The following MEGF11 variants were observed in gnomAD, a reference collection of about 807,000 sequenced individuals.
MEGF11 encodes multiple EGF like domains 11, also known as multiple epidermal growth factor-like domains protein 11.
MEGF11 carries 126 observed loss-of-function variants against 146.6 expected under a neutral mutation model. The ratio of observed to expected loss-of-function variants is 0.86; its 90% CI spans 0.74 to 1.00. MEGF11 has a LOEUF of 1.00. MEGF11 is among the 50% of genes least tolerant of loss of function. The pLI is 0.00. For missense variants in MEGF11, 1,509 were observed against 1,521.2 expected (o/e 0.99, Z 0.13); for synonymous variants, 532 against 583.4 (o/e 0.91, Z 1.27).
chr15:65,999,127 C>G (rs1289018265), intron 5 of MEGF11, among the ~76,000 whole-genome samples: 1 of 151,784 alleles, frequency 6.6e-6, no homozygotes, highest in Non-Finnish European at 1.5e-5. Flanking sequence ...TCACTGTAGC[C>G]TAGGCCTCCT....
chr15:66,178,049 T>A (rs1369722273), intron 1 of MEGF11, among the ~76,000 whole-genome samples: 1 of 152,142 alleles, frequency 6.6e-6, no homozygotes, highest in Non-Finnish European at 1.5e-5. Flanking sequence ...AGTGGCACTA[T>A]CACATCTCAC....
At chr15:66,120,156 A>G (rs2087951555) in intron 3 of MEGF11, among the ~76,000 whole-genome samples, 1 of 152,198 alleles carries the variant, frequency 6.6e-6, no homozygotes, top group Non-Finnish European at 1.5e-5. Flanking sequence ...GCCCTCTACC[A>G]GGTTTCACAG....
At chr15:65,955,214 T>C (rs947133998) in intron 10 of MEGF11, among the ~76,000 whole-genome samples, 13 of 152,222 alleles carry the variant, frequency 8.5e-5, no homozygotes, top group South Asian at 8.3e-4. Context: ...CAAACAATTA[T>C]TCTCTCCTAC....
At chr15:66,102,058 A>G (rs1406475361) in intron 4 of MEGF11, among the ~76,000 whole-genome samples, 2 of 151,700 alleles carry the variant, frequency 1.3e-5, no homozygotes, top group Non-Finnish European at 2.9e-5. Context: ...GAACATTCCC[A>G]TTGGGTTTCC....
At chr15:66,135,561 G>A (rs1219579039) in intron 1 of MEGF11, among the ~76,000 whole-genome samples, 7 of 152,146 alleles carry the variant, frequency 4.6e-5, no homozygotes, top group African/African-American at 1.7e-4. Context: ...GCCTCTCCCT[G>A]CAGGAAGCCT....
At chr15:66,110,751 T>G (rs2087350959) in intron 4 of MEGF11, among the ~76,000 whole-genome samples, 1 of 152,030 alleles carries the variant, frequency 6.6e-6, no homozygotes, top group African/African-American at 2.4e-5. Context: ...CTCTTAGAGG[T>G]TTAGCAGGGA....
intron 10 of MEGF11, among the ~76,000 whole-genome samples, chr15:65,947,768 G>A (rs907551126): frequency 6.6e-6 from 1 of 152,100 alleles, no homozygotes; most frequent in East Asian, 1.9e-4. Context: ...AAGAAAACCG[G>A]GTATACTTAA....
chr15:66,031,788 G>A (rs1011421275), intron 5 of MEGF11, among the ~76,000 whole-genome samples: 7 of 152,204 alleles, frequency 4.6e-5, no homozygotes, highest in Non-Finnish European at 7.4e-5. Context: ...CCAAAAGTTC[G>A]TGTGTTGGAA....
At chr15:66,134,416 C>A (rs2088795266) in intron 1 of MEGF11, among the ~76,000 whole-genome samples, 1 of 152,192 alleles carries the variant, frequency 6.6e-6, no homozygotes, top group South Asian at 2.1e-4. Flanking sequence ...CTTTGCAAAT[C>A]AGGACACATT....
chr15:65,964,825 T>C, intron 9 of MEGF11, 83 bp downstream of exon 9: 1 of 1,306,496 alleles, frequency 7.7e-7, no homozygotes, highest in Non-Finnish European at 1.1e-6. Context: ...ATGCTAGAGG[T>C]GGGGGGCCAC....
chr15:66,133,019 C>A (rs1370451842), intron 1 of MEGF11, among the ~76,000 whole-genome samples: 1 of 152,190 alleles, frequency 6.6e-6, no homozygotes, highest in African/African-American at 2.4e-5. Flanking sequence ...ACCTCTCAAC[C>A]ATCCCAAGCC....
At chr15:66,009,241 G>GTTT (rs10540363) in intron 5 of MEGF11, among the ~76,000 whole-genome samples, 4 of 143,084 alleles carry the variant, frequency 2.8e-5, no homozygotes, top group East Asian at 2.2e-4. Flanking sequence ...GTTAACCTAA[G>GTTT]TTTTTTTTTT....
At chr15:66,230,405 G>C (rs1007613410) in intron 1 of MEGF11, among the ~76,000 whole-genome samples, 4 of 152,210 alleles carry the variant, frequency 2.6e-5, no homozygotes, top group African/African-American at 7.2e-5. Flanking sequence ...GCTCAGCCCA[G>C]CTTCTTACAA....
At chr15:65,931,073 CCTT>C in intron 10 of MEGF11, 130 bp from the exon 11 acceptor site, 1 of 1,141,180 alleles carries the variant, frequency 8.8e-7, no homozygotes, top group South Asian at 2.2e-5. Context: ...GAATATGTTA[CCTT>C]ACATGGCAAA....
At chr15:66,019,313 G>GA (rs34409594) in intron 5 of MEGF11, among the ~76,000 whole-genome samples, 1 of 152,194 alleles carries the variant, frequency 6.6e-6, no homozygotes, top group Non-Finnish European at 1.5e-5. Context: ...TTTACTTGGG[G>GA]AAAAAAACCT....
At chr15:66,074,777 CAT>C (rs1263578060) in intron 5 of MEGF11, among the ~76,000 whole-genome samples, 1 of 152,194 alleles carries the variant, frequency 6.6e-6, no homozygotes, top group Non-Finnish European at 1.5e-5. Context: ...TCATCAGTAT[CAT>C]ATGAGAGTAT....
At chr15:66,101,629 C>T (rs565881428) in intron 4 of MEGF11, among the ~76,000 whole-genome samples, 38 of 152,220 alleles carry the variant, frequency 2.5e-4, no homozygotes, top group African/African-American at 7.7e-4. Flanking sequence ...GCATGATGCC[C>T]GGCACATGGC....
intron 1 of MEGF11, among the ~76,000 whole-genome samples, chr15:66,230,141 C>A (rs979122130): frequency 7.9e-5 from 12 of 152,158 alleles, no homozygotes; most frequent in African/African-American, 2.9e-4. Flanking sequence ...GCCTCCGAGC[C>A]CAGGCAAGCT....
chr15:66,140,101 T>C (rs2089076489), intron 1 of MEGF11, among the ~76,000 whole-genome samples: 1 of 152,204 alleles, frequency 6.6e-6, no homozygotes, highest in Non-Finnish European at 1.5e-5. Context: ...AAGCAGCTTT[T>C]AGGGCTAGCT....
Sources: gnomAD v4.1 joint callset for allele counts (sites outside exome capture counted in the v4.1 genomes callset) on GRCh38, gnomAD v4.1.1 for gene constraint, MANE v1.5 for transcripts, NCBI Gene and HGNC (gene_info 2026-07-23, HGNC 2026-07-21) for gene names.